Variants in DSE observed in about 807,000 individuals in gnomAD.
The protein encoded by DSE is dermatan-sulfate epimerase.
A neutral mutation model predicts 84.4 loss-of-function variants in DSE; 36 were observed. The ratio of observed to expected loss-of-function variants is 0.43; its 90% CI spans 0.33 to 0.56. The LOEUF (loss-of-function observed/expected upper bound fraction) is 0.56, where lower values mean the gene tolerates loss of function less well. Among genes scored for constraint, DSE ranks in the 20% least tolerant of loss-of-function variants. The pLI, the probability that DSE is intolerant of heterozygous loss-of-function variation, is 0.06. For missense variants in DSE, 862 were observed against 1,169.6 expected, an observed-to-expected ratio of 0.74 and a Z score of 3.84; for synonymous variants, 410 against 430.1, an observed-to-expected ratio of 0.95 and a Z score of 0.58.
chr6:116,272,787 G>A (rs116987193), intron 2 of DSE, among the ~76,000 whole-genome samples: 6,981 of 152,284 alleles, frequency 0.046, 229 homozygotes, highest in Non-Finnish European at 0.067. Context: ...GAACCATGAA[G>A]CTAGATGACT....
chr6:116,290,448 G>A (rs1323024082), intron 2 of DSE, among the ~76,000 whole-genome samples: 1 of 152,062 alleles, frequency 6.6e-6, no homozygotes, highest in African/African-American at 2.4e-5. Flanking sequence ...TTTACTAAAT[G>A]TGGGGCACAT....
intron 2 of DSE, among the ~76,000 whole-genome samples, chr6:116,338,110 A>G (rs1293794373): frequency 6.6e-6 from 1 of 150,702 alleles, no homozygotes; most frequent in Non-Finnish European, 1.5e-5. Flanking sequence ...CTTCATGTCT[A>G]TGTTTGATAC....
At chr6:116,344,839 A>G (rs1175721974) in intron 2 of DSE, among the ~76,000 whole-genome samples, 3 of 152,328 alleles carry the variant, frequency 2.0e-5, no homozygotes, top group South Asian at 4.1e-4. Context: ...CAAATTGGAT[A>G]AAGAGTCAAG....
intron 2 of DSE, among the ~76,000 whole-genome samples, chr6:116,408,960 A>AT (rs1277480205): frequency 6.6e-6 from 1 of 152,216 alleles, no homozygotes. Flanking sequence ...GTTTGTTGGA[A>AT]TTAAGAGCAA....
chr6:116,302,585 G>A (rs752233058), intron 2 of DSE, among the ~76,000 whole-genome samples: 3 of 152,110 alleles, frequency 2.0e-5, no homozygotes, highest in African/African-American at 4.8e-5. Flanking sequence ...CTCTCATTTT[G>A]TAGGTTGCCT....
At chr6:116,416,649 A>C (rs2115037615) in intron 2 of DSE, among the ~76,000 whole-genome samples, 1 of 152,170 alleles carries the variant, frequency 6.6e-6, no homozygotes, top group East Asian at 1.9e-4. Context: ...CCAAGCCAAC[A>C]TTTATATATT....
intron 2 of DSE, among the ~76,000 whole-genome samples, chr6:116,328,466 T>C (rs908176665): frequency 6.6e-6 from 1 of 152,082 alleles, no homozygotes; most frequent in African/African-American, 2.4e-5. Context: ...TGAGATGGGG[T>C]GCGAAGAGTT....
intron 2 of DSE, among the ~76,000 whole-genome samples, chr6:116,407,976 G>A (rs1766278502): frequency 6.6e-6 from 1 of 152,220 alleles, no homozygotes; most frequent in South Asian, 2.1e-4. Flanking sequence ...TCAGCCCTGA[G>A]CTGGCCTTTC....
chr6:116,311,053 A>G (rs1037496888), intron 2 of DSE, among the ~76,000 whole-genome samples: 8 of 152,126 alleles, frequency 5.3e-5, no homozygotes, highest in African/African-American at 1.9e-4. Context: ...CACATGCTGC[A>G]CTTCTGTCTG....
chr6:116,304,214 A>G (rs773433606), intron 2 of DSE, among the ~76,000 whole-genome samples: 3 of 152,298 alleles, frequency 2.0e-5, no homozygotes, highest in African/African-American at 7.2e-5. Flanking sequence ...ACGAAGTGTC[A>G]AAGACTGGGG....
rs547319866 is a variant in DSE, at chr6:116,443,879, A to G, written c.*6534A>G. ...TCCAAAGAAATGGTAATAACAGGAC[A>G]CTAGAAGTACCTTTCTGTGTAAAGC... On this transcript the variant is annotated 3_prime_UTR_variant, in exon 6 of 6. Transcript: ENST00000644252. 2.0e-5 allele frequency: 3 copies of G among 152,360 alleles called. No homozygotes were observed. In the South Asian group the frequency reaches 6.2e-4, roughly 32 times the overall value. The allele number at this position is 152,360 out of a possible 1,614,324, so 9.4% of individuals were successfully genotyped here.
intron 2 of DSE, chr6:116,279,989 T>TGAG: frequency 1.9e-6 from 2 of 1,067,456 alleles, no homozygotes; most frequent in Non-Finnish European, 2.8e-6. Flanking sequence ...GAGAACTTGC[T>TGAG]GAGCCCGGGA....
chr6:116,261,803 G>A (rs1772425929), intron 2 of DSE, among the ~76,000 whole-genome samples: 1 of 152,190 alleles, frequency 6.6e-6, no homozygotes, highest in Admixed American at 6.5e-5. Context: ...TTTTTAACAT[G>A]AAGGAGTGTT....
chr6:116,278,650 T>C (rs745484190), intron 2 of DSE: 1 of 1,614,024 alleles, frequency 6.2e-7, no homozygotes, highest in Non-Finnish European at 8.5e-7. Flanking sequence ...TTTAATAATC[T>C]CAGCAATTTT....
intron 2 of DSE, among the ~76,000 whole-genome samples, chr6:116,416,003 G>A (rs547384715): frequency 6.6e-6 from 1 of 152,314 alleles, no homozygotes; most frequent in Admixed American, 6.5e-5. Flanking sequence ...TATTCTGGAA[G>A]CTCTAGGGCA....
At chr6:116,381,410 T>C (rs569180833) in intron 1 of DSE, among the ~76,000 whole-genome samples, 1 of 152,314 alleles carries the variant, frequency 6.6e-6, no homozygotes, top group South Asian at 2.1e-4. Context: ...CTCATTTTGC[T>C]GAGGGAAATA....
intron 2 of DSE, among the ~76,000 whole-genome samples, chr6:116,357,222 A>C (rs113027488): frequency 0.052 from 7,863 of 152,258 alleles, 658 homozygotes; most frequent in African/African-American, 0.17. Context: ...TCCCTGGCTC[A>C]TGCCCTTTAG....
At chr6:116,373,655 G>A (rs1254008758) in intron 1 of DSE, among the ~76,000 whole-genome samples, 10 of 152,138 alleles carry the variant, frequency 6.6e-5, no homozygotes, top group African/African-American at 2.4e-4. Context: ...TCAATATCTC[G>A]CAGTGCTGCC....
Position 116,444,723 on chromosome 6 carries a change from A to G in DSE, c.*7378A>G, listed in dbSNP as rs1784532179. The G allele has an allele frequency of 6.6e-6, 1 of 152,204 alleles. No individual in the cohort carries two copies. The allele number at this position is 152,204 out of a possible 1,614,324, so 9.4% of individuals were successfully genotyped here. On this transcript the variant is annotated 3_prime_UTR_variant, in exon 6 of 6. Transcript: ENST00000644252. ...AGAGAGGTCCCTTGTCCCTTCCAAC[A>G]TGTGAGGCTACAGTGAAAAGATGGC...
Sources: allele counts gnomAD v4.1 joint callset (sites outside exome capture counted in the v4.1 genomes callset), GRCh38; gene constraint gnomAD v4.1.1; transcripts MANE v1.5; gene names NCBI Gene and HGNC (gene_info 2026-07-23, HGNC 2026-07-21).